Variants in ATP2A2 observed in about 807,000 individuals in gnomAD.
ATP2A2 encodes the protein sarcoplasmic/endoplasmic reticulum calcium ATPase 2.
In ATP2A2, 14 loss-of-function variants were observed where a neutral mutation model predicts 109.3. The ratio of observed to expected loss-of-function variants is 0.13; its 90% CI spans 0.08 to 0.20. The LOEUF is 0.20. Among genes scored for constraint, ATP2A2 ranks in the 10% least tolerant of loss-of-function variants. The probability of loss-of-function intolerance (pLI) is 1.00; values close to 1 mark genes in which losing one functional copy is unlikely to be tolerated. For missense variants in ATP2A2, 657 were observed against 1,321.6 expected (o/e 0.50, Z 7.80); for synonymous variants, 506 against 490.9 (o/e 1.03, Z -0.41).
rs2137882235 is a variant in ATP2A2, at chr12:110,348,263, C to A, written c.*1793C>A. On this transcript the variant is annotated 3_prime_UTR_variant, in exon 20 of 20. Transcript: ENST00000539276. ...TCTTAAATAGGCCACTTCCCCACTC[C>A]CCCACCCCCCCTTGCTTGGTCTTGT... The A allele has an allele frequency of 1.0e-6, 1 of 985,222 alleles. No homozygotes were observed. The highest frequency in any genetic ancestry group is 1.7e-5 in the African/African-American group (1 of 57,278). The allele number at this position is 985,222 out of a possible 1,614,324, so 61.0% of individuals were successfully genotyped here.
chr12:110,324,439 T>A (rs1214689582), intron 6 of ATP2A2, among the ~76,000 whole-genome samples: 1 of 152,142 alleles, frequency 6.6e-6, no homozygotes, highest in Non-Finnish European at 1.5e-5. Context: ...TTTTTTTTTT[T>A]GAGGCGGAGT....
Position 110,348,468 on chromosome 12 carries a change from G to C in ATP2A2, c.*1998G>C, listed in dbSNP as rs1414177655. 4 of 985,356 alleles carry C rather than the reference G, an allele frequency of 4.1e-6. No homozygotes were observed. The highest frequency in any genetic ancestry group is 4.8e-6 in the Non-Finnish European group (4 of 830,010). 61.0% of individuals were successfully genotyped at this position (985,356 alleles called of 1,614,324 possible). ...GCCAGTAGATGTAATGCAGATGGTT[G>C]GAGTTTGGGGAGGGTTAGGAGGCAT... On this transcript the variant is annotated 3_prime_UTR_variant, in exon 20 of 20. Coordinates refer to ENST00000539276, the MANE Select transcript of ATP2A2 (RefSeq NM_170665.4).
intron 5 of ATP2A2, among the ~76,000 whole-genome samples, chr12:110,312,452 T>C (rs750582790): frequency 8.5e-5 from 13 of 152,158 alleles, no homozygotes; most frequent in Non-Finnish European, 1.8e-4. Flanking sequence ...ATGGACTTTC[T>C]TCCCCAAAAA....
chr12:110,334,533 T>G (rs1390474633), intron 11 of ATP2A2, among the ~76,000 whole-genome samples: 1 of 152,082 alleles, frequency 6.6e-6, no homozygotes, highest in African/African-American at 2.4e-5. Context: ...AACTTTCCTT[T>G]GACCTTATTT....
chr12:110,314,373 T>C (rs1450713654), intron 5 of ATP2A2, among the ~76,000 whole-genome samples: 1 of 151,052 alleles, frequency 6.6e-6, no homozygotes, highest in Non-Finnish European at 1.5e-5. Context: ...GGCTTGGCAT[T>C]ATCAGTGCCA....
chr12:110,288,602 G>A (rs144168036), intron 3 of ATP2A2, among the ~76,000 whole-genome samples: 1 of 151,824 alleles, frequency 6.6e-6, no homozygotes, highest in South Asian at 2.1e-4. Flanking sequence ...ATGGGTTTTC[G>A]CCATGTTGGT....
chr12:110,341,043 A>G, intron 14 of ATP2A2, 49 bp downstream of exon 14: 1 of 1,587,426 alleles, frequency 6.3e-7, no homozygotes, highest in Non-Finnish European at 8.6e-7. Context: ...ACAAGCACAT[A>G]GTAGCCTCTA....
rs1880128863 is a variant in ATP2A2 at position 110,348,819 on chromosome 12, C to T, written c.*2349C>T. 2 of 985,332 alleles carry T rather than the reference C, an allele frequency of 2.0e-6. No homozygotes were observed. Among genetic ancestry groups the T allele is most frequent in the Non-Finnish European group, 1.2e-6 (1 of 829,992 alleles). 61.0% of individuals were successfully genotyped at this position (985,332 alleles called of 1,614,324 possible). On this transcript the variant is annotated 3_prime_UTR_variant, in exon 20 of 20. Transcript: ENST00000539276. Reference sequence around the variant, plus strand: ...ATTTGGGGCAGGGGGTAAATTTTGCCAGTTTGAGCATCATGAGGTGTAACA... The same window carrying T: ...ATTTGGGGCAGGGGGTAAATTTTGCTAGTTTGAGCATCATGAGGTGTAACA...
In ATP2A2 at chr12:110,342,665, T is replaced by G. The variant is rs973371356; in HGVS notation, c.2318+217T>G. Among the ~76,000 whole-genome samples, 1 of 152,206 alleles carries G rather than the reference T, an allele frequency of 6.6e-6. No individual in the cohort carries two copies. The highest frequency in any genetic ancestry group is 1.5e-5 in the Non-Finnish European group (1 of 68,020). ...CTGCCCCAATGTGCAAAGAATCCTCTTTAACGTGAGACTGAGCTAACATTA... is the reference window on the plus strand; with the variant it reads ...CTGCCCCAATGTGCAAAGAATCCTCGTTAACGTGAGACTGAGCTAACATTA... On this transcript the variant is annotated intron_variant, in intron 15 of 19. Coordinates refer to ENST00000539276, the MANE Select transcript of ATP2A2 (RefSeq NM_170665.4). The surrounding 1 kb of genome is among the most constrained non-coding windows in gnomAD (Gnocchi z 4.6).
intron 16 of ATP2A2, among the ~76,000 whole-genome samples, chr12:110,344,585 A>T (rs1427894504): frequency 6.6e-6 from 1 of 152,212 alleles, no homozygotes; most frequent in African/African-American, 2.4e-5. Flanking sequence ...CTACCCACTG[A>T]GGGGAGAAGG....
chr12:110,297,546 A>C (rs764650109), intron 5 of ATP2A2, among the ~76,000 whole-genome samples: 2 of 151,952 alleles, frequency 1.3e-5, no homozygotes, highest in Admixed American at 1.3e-4. Flanking sequence ...ATCCACTGTG[A>C]GTCCAGAATG....
rs550791742 is a variant in ATP2A2, at chr12:110,296,520, C to G, written c.325-79C>G. On this transcript the variant is annotated intron_variant, in intron 4 of 19. Coordinates refer to ENST00000539276, the MANE Select transcript of ATP2A2 (RefSeq NM_170665.4). Reference sequence around the variant, plus strand: ...TCCTTTCTTTTTAAAGATTAGACCTCTAACATTTTATTCCTTGGGTTAGAA... The same window carrying G: ...TCCTTTCTTTTTAAAGATTAGACCTGTAACATTTTATTCCTTGGGTTAGAA... 102 of 1,583,344 alleles carry G rather than the reference C, an allele frequency of 6.4e-5. 1 individual carries two copies. In the South Asian group the frequency reaches 1.0e-3, roughly 16 times the overall value.
Position 110,281,807 on chromosome 12 carries a change from C to T in ATP2A2, c.18C>T (p.Thr6=). Reference sequence around the variant, plus strand: ...CCGAAGCCATGGAGAACGCGCACACCAAGACGGTGGAGGAGGTGCTGGGCC... The same window carrying T: ...CCGAAGCCATGGAGAACGCGCACACTAAGACGGTGGAGGAGGTGCTGGGCC... MENAH[T]KTVEEVLGHF... is the part of the protein sequence containing the mutation. Residue 6 remains threonine (T), a synonymous_variant, in exon 1 of 20, where the codon ACC becomes ACT. Transcript: ENST00000539276. 6.5e-7 allele frequency: 1 copy of T among 1,542,086 alleles called. No individual in the cohort carries two copies. Among genetic ancestry groups the T allele is most frequent in the Non-Finnish European group, 8.7e-7 (1 of 1,144,754 alleles).
chr12:110,317,055 G>C (rs143926748), intron 5 of ATP2A2, among the ~76,000 whole-genome samples: 3 of 152,182 alleles, frequency 2.0e-5, no homozygotes, highest in Admixed American at 6.5e-5. Flanking sequence ...CCTGTTCACC[G>C]TGAGGCCTGG....
chr12:110,333,868 C>T, intron 10 of ATP2A2, 144 bp from the exon 11 acceptor site: 4 of 986,640 alleles, frequency 4.1e-6, no homozygotes, highest in Non-Finnish European at 6.1e-6. Flanking sequence ...TTATCTGGGT[C>T]ACCTGTTTCA....
chr12:110,326,386 T>C lies in ATP2A2; in HGVS notation c.545-4T>C. Reference sequence around the variant, plus strand: ...CTGTTTTTTCTGTCTCACAACCCGCTTAGGTGAATCTGTCTCTGTCATCAA... The same window carrying C: ...CTGTTTTTTCTGTCTCACAACCCGCCTAGGTGAATCTGTCTCTGTCATCAA... On this transcript the variant is annotated splice_region_variant and splice_polypyrimidine_tract_variant and intron_variant, in intron 6 of 19. Coordinates refer to ENST00000539276, the MANE Select transcript of ATP2A2 (RefSeq NM_170665.4). 6.2e-7 allele frequency: 1 copy of C among 1,613,672 alleles called. No individual in the cohort carries two copies. The highest frequency in any genetic ancestry group is 8.5e-7 in the Non-Finnish European group (1 of 1,179,748).
At position 110,347,925 on chromosome 12, in the gene ATP2A2, A is replaced by C. The variant is rs1592872103; in HGVS notation, c.*1455A>C. 1.0e-6 allele frequency: 1 copy of C among 987,998 alleles called. No individual in the cohort carries two copies. Among genetic ancestry groups the C allele is most frequent in the Non-Finnish European group, 1.2e-6 (1 of 831,640 alleles). 61.2% of individuals were successfully genotyped at this position (987,998 alleles called of 1,614,324 possible). On this transcript the variant is annotated 3_prime_UTR_variant, in exon 20 of 20. Transcript: ENST00000539276. ...CTGTGCTCCCTGATGCCCTGTGAGCACCGGGGTTGCCTGTGGCGCCTGCCA... is the reference window on the plus strand; with the variant it reads ...CTGTGCTCCCTGATGCCCTGTGAGCCCCGGGGTTGCCTGTGGCGCCTGCCA...
chr12:110,305,938 C>T (rs1449159213), intron 5 of ATP2A2, among the ~76,000 whole-genome samples: 1 of 148,586 alleles, frequency 6.7e-6, no homozygotes, highest in Non-Finnish European at 1.5e-5. Flanking sequence ...GTGTTCAAGT[C>T]TTGTGCTTCT....
intron 3 of ATP2A2, among the ~76,000 whole-genome samples, chr12:110,289,465 A>G (rs1873029730): frequency 6.6e-6 from 1 of 152,130 alleles, no homozygotes; most frequent in Non-Finnish European, 1.5e-5. Context: ...AGTAACATTT[A>G]TTATACTCAT....
Sources: allele counts gnomAD v4.1 joint callset (sites outside exome capture counted in the v4.1 genomes callset), GRCh38; gene constraint gnomAD v4.1.1; non-coding constraint Gnocchi (gnomAD v3.1); transcripts MANE v1.5; gene names NCBI Gene and HGNC (gene_info 2026-07-23, HGNC 2026-07-21).